The following FCHSD2 variants were observed in gnomAD, a reference collection of about 807,000 sequenced individuals.
The protein encoded by FCHSD2 is F-BAR and double SH3 domains protein 2.
In FCHSD2, 38 loss-of-function variants were observed where a neutral mutation model predicts 108.1. That is an observed-to-expected ratio of 0.35 (90% confidence interval 0.27 to 0.46). The LOEUF (loss-of-function observed/expected upper bound fraction) is 0.46, where lower values mean the gene tolerates loss of function less well. Ranked by LOEUF, FCHSD2 falls within the 20% of genes least tolerant of loss-of-function variation. The probability of loss-of-function intolerance (pLI) is 1.00; values close to 1 mark genes in which losing one functional copy is unlikely to be tolerated. For synonymous variants in FCHSD2, 279 were observed against 314.7 expected, an observed-to-expected ratio of 0.89 and a Z score of 1.20; for missense variants, 751 against 897.8, an observed-to-expected ratio of 0.84 and a Z score of 2.09.
chr11:72,990,136 C>T (rs1730250404), intron 5 of FCHSD2, among the ~76,000 whole-genome samples: 1 of 152,076 alleles, frequency 6.6e-6, no homozygotes, highest in African/African-American at 2.4e-5. Context: ...TTATTAAGCA[C>T]TTAATAAGTG....
intron 8 of FCHSD2, among the ~76,000 whole-genome samples, chr11:72,968,885 C>A (rs1591444083): frequency 6.6e-6 from 1 of 152,286 alleles, no homozygotes; most frequent in East Asian, 1.9e-4. Context: ...AAAGATATTT[C>A]TATAAATTGG....
intron 3 of FCHSD2, among the ~76,000 whole-genome samples, chr11:73,052,202 CAT>C (rs1325427251): frequency 1.3e-5 from 2 of 152,236 alleles, no homozygotes; most frequent in Middle Eastern, 3.4e-3. Context: ...CACTGCCAAA[CAT>C]AACGATTTCT....
chr11:73,118,260 G>A (rs138356958), intron 2 of FCHSD2, among the ~76,000 whole-genome samples: 56 of 152,178 alleles, frequency 3.7e-4, no homozygotes, highest in Admixed American at 8.5e-4. Flanking sequence ...CAGAGACTGC[G>A]GTGAGCCGAG....
chr11:73,101,431 A>ATTG (rs528868877), intron 2 of FCHSD2, among the ~76,000 whole-genome samples: 50 of 151,938 alleles, frequency 3.3e-4, no homozygotes, highest in Non-Finnish European at 6.0e-4. Flanking sequence ...TCTTGTTGTT[A>ATTG]TTGTTGTTGT....
At position 73,110,836 on chromosome 11, in the gene FCHSD2, C is replaced by T. The variant is rs55872828; in HGVS notation, c.120-27096G>A. On this transcript the variant is annotated intron_variant, in intron 2 of 19. Coordinates refer to ENST00000409418, the MANE Select transcript of FCHSD2 (RefSeq NM_014824.3). ...TGAACTTCCCACTTCGTACTGCTGTCGTTGTATCTCATGGGTTGTTGGTAT... is the reference window on the plus strand; with the variant it reads ...TGAACTTCCCACTTCGTACTGCTGTTGTTGTATCTCATGGGTTGTTGGTAT... Among the ~76,000 whole-genome samples, 804 of 152,054 alleles carry T rather than the reference C, an allele frequency of 5.3e-3. 8 individuals carry two copies. Among genetic ancestry groups the T allele is most frequent in the African/African-American group, 0.018 (760 of 41,514 alleles).
intron 5 of FCHSD2, among the ~76,000 whole-genome samples, chr11:72,993,165 T>G (rs1357327978): frequency 6.6e-6 from 1 of 152,068 alleles, no homozygotes; most frequent in South Asian, 2.1e-4. Context: ...AAAATGCTCA[T>G]CATCACTGGC....
intron 3 of FCHSD2, among the ~76,000 whole-genome samples, chr11:73,057,256 A>AC (rs1859047700): frequency 6.6e-6 from 1 of 152,194 alleles, no homozygotes; most frequent in African/African-American, 2.4e-5. Flanking sequence ...AGTGACCGGC[A>AC]TAGTACCTAG....
At chr11:72,861,282 A>AGATG (rs1464370794) in intron 13 of FCHSD2, among the ~76,000 whole-genome samples, 1 of 152,024 alleles carries the variant, frequency 6.6e-6, no homozygotes, top group Non-Finnish European at 1.5e-5. Flanking sequence ...CTGACAACTT[A>AGATG]GATGGAATGG....
chr11:72,946,472 C>T (rs1228165010), intron 8 of FCHSD2, among the ~76,000 whole-genome samples: 1 of 151,814 alleles, frequency 6.6e-6, no homozygotes, highest in Admixed American at 6.6e-5. Flanking sequence ...GTGCAGCACA[C>T]CAACATGGCA....
At chr11:72,974,698 A>G (rs181112902) in intron 8 of FCHSD2, among the ~76,000 whole-genome samples, 1 of 152,310 alleles carries the variant, frequency 6.6e-6, no homozygotes, top group African/African-American at 2.4e-5. Flanking sequence ...TACCAGTGGT[A>G]AAGGCACAAA....
chr11:72,887,634 G>A, intron 11 of FCHSD2, 60 bp from the exon 12 acceptor site: 1 of 1,063,986 alleles, frequency 9.4e-7, no homozygotes, highest in South Asian at 1.6e-5. Flanking sequence ...TTCCTTAAGT[G>A]ATTAAAGTAT....
intron 3 of FCHSD2, among the ~76,000 whole-genome samples, chr11:73,047,402 A>G (rs922219990): frequency 5.8e-4 from 89 of 152,310 alleles, no homozygotes; most frequent in African/African-American, 1.9e-3. Flanking sequence ...ATAATACTCA[A>G]AAGCATGATT....
At chr11:73,010,930 T>C (rs1032753298) in intron 4 of FCHSD2, among the ~76,000 whole-genome samples, 3 of 152,108 alleles carry the variant, frequency 2.0e-5, no homozygotes, top group African/African-American at 7.2e-5. Context: ...AGTGATGGGA[T>C]AATCTTCTGG....
chr11:73,103,463 T>C (rs372206901), intron 2 of FCHSD2, among the ~76,000 whole-genome samples: 1 of 152,332 alleles, frequency 6.6e-6, no homozygotes, highest in East Asian at 1.9e-4. Flanking sequence ...AATCATTACC[T>C]GAATCCCTAG....
At chr11:73,014,039 C>A (rs1273943596) in intron 4 of FCHSD2, among the ~76,000 whole-genome samples, 1 of 151,664 alleles carries the variant, frequency 6.6e-6, no homozygotes, top group Non-Finnish European at 1.5e-5. Context: ...ACTTGCCTCT[C>A]TTGCCTAGAA....
In FCHSD2 at chr11:72,985,108, A is replaced by C; in HGVS notation, c.530T>G (p.Leu177Arg). The part of the protein sequence containing the change: ...EKADIEAKSK[L>R]SLFQSRISLQ... ...ACTGATTCTTGATTGAAAAAGACTAAGTTTAGATCTATAATAAAAATAGAA... is the reference window on the plus strand; with the variant it reads ...ACTGATTCTTGATTGAAAAAGACTACGTTTAGATCTATAATAAAAATAGAA... Residue 177 changes from leucine (L) to arginine (R), a missense_variant, in exon 7 of 20, where the codon CTT becomes CGT. By Grantham distance (102) the Leu-to-Arg change is moderately radical (BLOSUM62 -2). Transcript: ENST00000409418. The C allele has an allele frequency of 8.8e-7, 1 of 1,135,052 alleles. No homozygotes were observed. Among genetic ancestry groups the C allele is most frequent in the Non-Finnish European group, 1.3e-6 (1 of 782,550 alleles). The allele number at this position is 1,135,052 out of a possible 1,614,324, so 70.3% of individuals were successfully genotyped here.
intron 13 of FCHSD2, among the ~76,000 whole-genome samples, chr11:72,866,011 C>A (rs1591354144): frequency 6.6e-6 from 1 of 152,224 alleles, no homozygotes; most frequent in East Asian, 1.9e-4. Context: ...ATGGTATGTG[C>A]CTGCTCAGTT....
intron 3 of FCHSD2, among the ~76,000 whole-genome samples, chr11:73,062,184 T>C (rs1481047635): frequency 1.3e-5 from 2 of 152,124 alleles, no homozygotes; most frequent in African/African-American, 4.8e-5. Flanking sequence ...GGAGTGGACC[T>C]CCAGCAAACT....
At chr11:73,053,464 A>C (rs1379944264) in intron 3 of FCHSD2, among the ~76,000 whole-genome samples, 1 of 152,194 alleles carries the variant, frequency 6.6e-6, no homozygotes, top group East Asian at 1.9e-4. Context: ...TGAGCTTGCT[A>C]AAATTTCTTT....
Sources: allele counts gnomAD v4.1 joint callset (sites outside exome capture counted in the v4.1 genomes callset), GRCh38; gene constraint gnomAD v4.1.1; transcripts MANE v1.5; gene names NCBI Gene and HGNC (gene_info 2026-07-23, HGNC 2026-07-21).